The following PRKAG2 variants were observed in gnomAD, a reference collection of about 807,000 sequenced individuals.
The protein encoded by PRKAG2 is 5'-AMP-activated protein kinase subunit gamma-2.
A neutral mutation model predicts 69.6 loss-of-function variants in PRKAG2; 26 were observed. The ratio of observed to expected loss-of-function variants is 0.37; its 90% confidence interval spans 0.27 to 0.52. The LOEUF (loss-of-function observed/expected upper bound fraction) is 0.52, where lower values mean the gene tolerates loss of function less well. Ranked by LOEUF, PRKAG2 falls within the 20% of genes least tolerant of loss-of-function variation. The pLI is 0.90. For missense variants in PRKAG2, 557 were observed against 740.0 expected, an observed-to-expected ratio of 0.75 and a Z score of 2.87; for synonymous variants, 293 against 285.0, an observed-to-expected ratio of 1.03 and a Z score of -0.28.
At chr7:151,830,716 G>C (rs77326977) in intron 1 of PRKAG2, among the ~76,000 whole-genome samples, 37,522 of 147,542 alleles carry the variant, frequency 0.25, 5,320 homozygotes, top group Middle Eastern at 0.29. Context: ...ATGGTGGACA[G>C]CTGAGGCTGC....
In PRKAG2 at chr7:151,641,374, A is replaced by G. The variant is rs188335982; in HGVS notation, c.685-9236T>C. On this transcript the variant is annotated intron_variant, in intron 4 of 15. Transcript: ENST00000287878. ...GTGATTCCCCTGCCTCAGCCTCCCA[A>G]GTAGCTGGGACTACAGGCGCACACC... 1.3e-3 allele frequency among the ~76,000 whole-genome samples: 190 copies of G among 151,234 alleles called. No individual in the cohort carries two copies. The Middle Eastern group carries it at 0.035, about 28-fold the overall frequency.
At position 151,824,032 on chromosome 7, in the gene PRKAG2, C is replaced by G. The variant is rs1311958160; in HGVS notation, c.115-37491G>C. Among the ~76,000 whole-genome samples the G allele has an allele frequency of 2.0e-5, 3 of 152,262 alleles. No homozygotes were observed. The East Asian group carries it at 5.8e-4, about 29-fold the overall frequency. On this transcript the variant is annotated intron_variant, in intron 1 of 15. Coordinates refer to ENST00000287878, the MANE Select transcript of PRKAG2 (RefSeq NM_016203.4). ...AGGCCCCCAGTTATTCTTGGTATAA[C>G]TTATGGAGGCAGAACCCAAGGAACC...
chr7:151,852,949 C>T (rs1249400648), intron 1 of PRKAG2, among the ~76,000 whole-genome samples: 2 of 152,212 alleles, frequency 1.3e-5, no homozygotes, highest in Non-Finnish European at 2.9e-5. Flanking sequence ...GCTCAACGGG[C>T]AACCCCAGGA....
intron 3 of PRKAG2, among the ~76,000 whole-genome samples, chr7:151,760,046 T>G (rs985759954): frequency 6.6e-6 from 1 of 152,084 alleles, no homozygotes; most frequent in Non-Finnish European, 1.5e-5. Context: ...TCATTGCAGA[T>G]TATGTGGGAA....
At chr7:151,648,349 T>C (rs1265546129) in intron 4 of PRKAG2, among the ~76,000 whole-genome samples, 1 of 152,238 alleles carries the variant, frequency 6.6e-6, no homozygotes, top group Admixed American at 6.5e-5. Context: ...AATGTCGCTA[T>C]GAAAACGTTC....
chr7:151,585,459 C>T (rs202086333), intron 6 of PRKAG2, among the ~76,000 whole-genome samples: 1 of 151,384 alleles, frequency 6.6e-6, no homozygotes, highest in Admixed American at 6.6e-5. Flanking sequence ...GAAAAACTCT[C>T]AGCCACTAGT....
intron 1 of PRKAG2, chr7:151,806,561 G>A (rs2078112801): frequency 5.8e-6 from 1 of 173,490 alleles, no homozygotes; most frequent in South Asian, 1.2e-4. Context: ...CTGGTACCAG[G>A]AGTGAGTGAC....
rs1287642826 is a variant in PRKAG2 at position 151,632,044 on chromosome 7, CCGGCAG to C, written c.754+19_754+24del. ...GCGGCCGGGCCGTGGGAGCGCCGGGCCGGCAGCGGGCGGGGCGCACTCACCTTCGTC... is the reference window on the plus strand; with the variant it reads ...GCGGCCGGGCCGTGGGAGCGCCGGGCCGGGCGGGGCGCACTCACCTTCGTC... On this transcript the variant is annotated intron_variant, in intron 5 of 15. Coordinates refer to ENST00000287878, the MANE Select transcript of PRKAG2 (RefSeq NM_016203.4). The surrounding 1 kb of genome is among the most constrained non-coding windows in gnomAD (Gnocchi z 4.2). 7.4e-7 allele frequency: 1 copy of C among 1,343,010 alleles called. No individual in the cohort carries two copies. The highest frequency in any genetic ancestry group is 3.3e-5 in the East Asian group (1 of 29,982). The allele number at this position is 1,343,010 out of a possible 1,614,324, so 83.2% of individuals were successfully genotyped here. A position where few individuals can be genotyped will look rare whatever the true frequency, so the allele number is the denominator to read the frequency against.
chr7:151,844,601 A>G (rs935561069), intron 1 of PRKAG2, among the ~76,000 whole-genome samples: 2 of 152,246 alleles, frequency 1.3e-5, no homozygotes, highest in African/African-American at 4.8e-5. Context: ...ACAATAACTC[A>G]GTGCCTGGCA....
chr7:151,691,477 A>C (rs1359354721), intron 3 of PRKAG2, among the ~76,000 whole-genome samples: 1 of 107,536 alleles, frequency 9.3e-6, no homozygotes, highest in Admixed American at 9.9e-5. Context: ...CAACAAAAAA[A>C]ACTCAGTAAA....
Position 151,632,382 on chromosome 7 carries a change from G to A in PRKAG2, c.685-244C>T, listed in dbSNP as rs1222326413. 8.6e-6 allele frequency: 4 copies of A among 464,776 alleles called. No homozygotes were observed. Among genetic ancestry groups the A allele is most frequent in the African/African-American group, 6.4e-5 (3 of 46,724 alleles). The allele number at this position is 464,776 out of a possible 1,614,324, so 28.8% of individuals were successfully genotyped here. A position where few individuals can be genotyped will look rare whatever the true frequency, so the allele number is the denominator to read the frequency against. ...CCGCGTGCCCCTCCGCGAGTGGGACGCGCCGCTCCCCCCCGCGCCTTGGTA... is the reference window on the plus strand; with the variant it reads ...CCGCGTGCCCCTCCGCGAGTGGGACACGCCGCTCCCCCCCGCGCCTTGGTA... On this transcript the variant is annotated intron_variant, in intron 4 of 15. Coordinates refer to ENST00000287878, the MANE Select transcript of PRKAG2 (RefSeq NM_016203.4). The surrounding 1 kb of genome is among the most constrained non-coding windows in gnomAD (Gnocchi z 4.2).
chr7:151,778,145 T>C (rs1203188976), intron 3 of PRKAG2, among the ~76,000 whole-genome samples: 2 of 152,098 alleles, frequency 1.3e-5, no homozygotes. Flanking sequence ...TCCACACCAC[T>C]GTGATCTCAT....
At chr7:151,612,330 T>C (rs1208122954) in intron 5 of PRKAG2, among the ~76,000 whole-genome samples, 1 of 152,166 alleles carries the variant, frequency 6.6e-6, no homozygotes, top group African/African-American at 2.4e-5. Context: ...TCCTTATCTG[T>C]ACTTGTGAAA....
intron 3 of PRKAG2, among the ~76,000 whole-genome samples, chr7:151,725,615 G>A (rs1000144732): frequency 6.7e-6 from 1 of 150,048 alleles, no homozygotes; most frequent in Admixed American, 6.6e-5. Flanking sequence ...TTCCACAGAA[G>A]AGCTAATATC....
At chr7:151,563,689 C>T (rs528028733) in intron 14 of PRKAG2, among the ~76,000 whole-genome samples, 12 of 152,320 alleles carry the variant, frequency 7.9e-5, no homozygotes, top group Admixed American at 4.6e-4. Context: ...AAGGGATCCT[C>T]CTTCCTCAGC....
chr7:151,697,929 C>T (rs1376430376), intron 3 of PRKAG2, among the ~76,000 whole-genome samples: 5 of 152,226 alleles, frequency 3.3e-5, no homozygotes, highest in Admixed American at 6.5e-5. Context: ...GTGGTCCCCA[C>T]AGCCATGGGT....
intron 1 of PRKAG2, among the ~76,000 whole-genome samples, chr7:151,856,671 A>G (rs6464178): frequency 0.38 from 58,335 of 152,150 alleles, 12,743 homozygotes; most frequent in East Asian, 0.53. Flanking sequence ...TCTGGCACCC[A>G]CACCGAATAT....
At chr7:151,675,168 A>C in intron 4 of PRKAG2, 1 of 473,972 alleles carries the variant, frequency 2.1e-6, no homozygotes, top group Non-Finnish European at 4.0e-6. Context: ...TGATCTGCCT[A>C]TCTTGGCCTC....
chr7:151,852,888 G>T (rs1472127217), intron 1 of PRKAG2, among the ~76,000 whole-genome samples: 1 of 152,252 alleles, frequency 6.6e-6, no homozygotes, highest in African/African-American at 2.4e-5. Flanking sequence ...TAAGGGGTCA[G>T]GAGGGAAGAA....
Sources: allele counts gnomAD v4.1 joint callset (sites outside exome capture counted in the v4.1 genomes callset), GRCh38; gene constraint gnomAD v4.1.1; non-coding constraint Gnocchi (gnomAD v3.1); transcripts MANE v1.5; gene names NCBI Gene and HGNC (gene_info 2026-07-23, HGNC 2026-07-21).